DLC1: variants seen among roughly 807,000 people sequenced by gnomAD.
The protein encoded by DLC1 is DLC1 Rho GTPase activating protein, also known as rho GTPase-activating protein 7.
Under a neutral mutation model 140.3 loss-of-function variants are expected in DLC1, and 54 were observed. The observed-to-expected ratio is 0.38, with a 90% confidence interval of 0.31 to 0.48. DLC1 has a LOEUF of 0.48. DLC1 is among the 20% of genes least tolerant of loss of function. The probability of loss-of-function intolerance (pLI) is 0.96; values close to 1 mark genes in which losing one functional copy is unlikely to be tolerated. For synonymous variants in DLC1, 986 were observed against 728.1 expected (o/e 1.35, Z -5.70); for missense variants, 2,536 against 1,907.0 (o/e 1.33, Z -6.14).
intron 4 of DLC1, among the ~76,000 whole-genome samples, chr8:13,360,767 A>G (rs1055425082): frequency 6.6e-6 from 1 of 152,236 alleles, no homozygotes; most frequent in Non-Finnish European, 1.5e-5. Context: ...AAAAATAAAA[A>G]ATAAAATTCA....
chr8:13,515,251 A>T (rs548376938), upstream of DLC1, among the ~76,000 whole-genome samples: 1 of 152,312 alleles, frequency 6.6e-6, no homozygotes, highest in Non-Finnish European at 1.5e-5. Flanking sequence ...TAGCCTTAAT[A>T]CCATAATTCT....
chr8:13,100,438 A>G lies in DLC1; in HGVS notation c.1899T>C (p.Asn633=), dbSNP rs777030811. 5 of 1,613,940 alleles carry G rather than the reference A, an allele frequency of 3.1e-6. No homozygotes were observed. The Admixed American group carries it at 8.3e-5, about 27-fold the overall frequency. The part of the protein sequence containing the change: ...SVCSSSNLAG[N]DDSFGSLPSP... ...AGGGCAGGCTGCCGAAAGAGTCGTCATTGCCTGCCAAGTTGCTGGAGGAGC... is the reference window on the plus strand; with the variant it reads ...AGGGCAGGCTGCCGAAAGAGTCGTCGTTGCCTGCCAAGTTGCTGGAGGAGC... Residue 633 remains asparagine, a synonymous_variant, in exon 9 of 18, where the codon AAT becomes AAC. Transcript: ENST00000276297.
At chr8:13,371,449 T>C (rs2117118417) in intron 4 of DLC1, among the ~76,000 whole-genome samples, 1 of 152,304 alleles carries the variant, frequency 6.6e-6, no homozygotes, top group East Asian at 1.9e-4. Context: ...GAGATGCTTT[T>C]GAATCTGATT....
At chr8:13,592,699 G>C (rs1805557349) in intron 1 of DLC1, among the ~76,000 whole-genome samples, 1 of 152,048 alleles carries the variant, frequency 6.6e-6, no homozygotes, top group African/African-American at 2.4e-5. Context: ...TATGAGTCCT[G>C]CCCTTAAGGA....
At chr8:13,171,348 C>A (rs564941146) in intron 5 of DLC1, among the ~76,000 whole-genome samples, 3 of 152,238 alleles carry the variant, frequency 2.0e-5, no homozygotes, top group African/African-American at 7.2e-5. Context: ...TCACTAGGGA[C>A]CGAAATAACT....
chr8:13,591,674 G>C (rs1805521327), intron 1 of DLC1, among the ~76,000 whole-genome samples: 1 of 152,006 alleles, frequency 6.6e-6, no homozygotes. Flanking sequence ...TGTTGGCTTG[G>C]ACTTATTGGT....
At chr8:13,121,668 C>A (rs1323425380) in intron 5 of DLC1, among the ~76,000 whole-genome samples, 3 of 152,104 alleles carry the variant, frequency 2.0e-5, no homozygotes, top group Non-Finnish European at 2.9e-5. Flanking sequence ...CCTGCCTCAG[C>A]CTCCTGAGTA....
intron 12 of DLC1, among the ~76,000 whole-genome samples, chr8:13,094,236 A>G (rs922254125): frequency 2.6e-5 from 4 of 152,252 alleles, no homozygotes; most frequent in African/African-American, 9.6e-5. Flanking sequence ...CAATTGCATC[A>G]GTCATTAGAG....
At chr8:13,418,652 C>T (rs535634011) in intron 2 of DLC1, among the ~76,000 whole-genome samples, 3 of 152,250 alleles carry the variant, frequency 2.0e-5, no homozygotes, top group Admixed American at 2.0e-4. Flanking sequence ...TAGTGTGATG[C>T]CTCCAGCTTT....
chr8:13,535,453 C>G (rs1803245120), intron 1 of DLC1, among the ~76,000 whole-genome samples: 1 of 151,980 alleles, frequency 6.6e-6, no homozygotes, highest in South Asian at 2.1e-4. Flanking sequence ...ACCTTGTTTA[C>G]TGTAATAGTG....
At chr8:13,228,600 A>T (rs990391115) in intron 5 of DLC1, among the ~76,000 whole-genome samples, 1 of 152,136 alleles carries the variant, frequency 6.6e-6, no homozygotes, top group African/African-American at 2.4e-5. Flanking sequence ...AAATAAAAAA[A>T]TTAGCCCAGC....
chr8:13,535,131 T>G (rs1037474263), intron 1 of DLC1, among the ~76,000 whole-genome samples: 3 of 152,186 alleles, frequency 2.0e-5, no homozygotes, highest in Admixed American at 6.5e-5. Context: ...CTTTATTGTA[T>G]TAAATTAACA....
chr8:13,177,725 C>T (rs1825827758), intron 5 of DLC1, among the ~76,000 whole-genome samples: 2 of 151,648 alleles, frequency 1.3e-5, no homozygotes, highest in Admixed American at 1.3e-4. Context: ...GTATTCTAAT[C>T]ATGAGTGTAA....
At chr8:13,413,161 C>T (rs569645193) in intron 2 of DLC1, among the ~76,000 whole-genome samples, 12 of 151,062 alleles carry the variant, frequency 7.9e-5, no homozygotes, top group African/African-American at 2.7e-4. Context: ...AAGAACACTA[C>T]ACGAAGCTTT....
intron 4 of DLC1, among the ~76,000 whole-genome samples, chr8:13,383,519 A>G (rs1836368241): frequency 6.6e-6 from 1 of 152,176 alleles, no homozygotes. Context: ...GGAGCAGGCT[A>G]GTGCTTTTGC....
At chr8:13,238,547 T>G (rs1275017012) in intron 5 of DLC1, among the ~76,000 whole-genome samples, 1 of 149,772 alleles carries the variant, frequency 6.7e-6, no homozygotes, top group Non-Finnish European at 1.5e-5. Context: ...AAGTGCTCTC[T>G]CAGGAGCCTT....
At chr8:13,428,082 T>C (rs1467431800) in intron 2 of DLC1, among the ~76,000 whole-genome samples, 1 of 152,138 alleles carries the variant, frequency 6.6e-6, no homozygotes, top group African/African-American at 2.4e-5. Context: ...AAAGGCATTT[T>C]GTTTTGCTTG....
chr8:13,405,929 CT>C (rs1218298822), intron 2 of DLC1, among the ~76,000 whole-genome samples: 1 of 78,734 alleles, frequency 1.3e-5, no homozygotes, highest in South Asian at 4.3e-4. Flanking sequence ...TTCTTTCTTT[CT>C]TTCTTTCTTT....
intron 5 of DLC1, among the ~76,000 whole-genome samples, chr8:13,158,336 G>A (rs542356960): frequency 1.3e-5 from 2 of 152,292 alleles, no homozygotes; most frequent in African/African-American, 4.8e-5. Flanking sequence ...CAATGCATTT[G>A]CTCTACTTGG....
Sources: allele counts gnomAD v4.1 joint callset (sites outside exome capture counted in the v4.1 genomes callset), GRCh38; gene constraint gnomAD v4.1.1; transcripts MANE v1.5; gene names NCBI Gene and HGNC (gene_info 2026-07-23, HGNC 2026-07-21).